ABCA2: variants seen among roughly 807,000 people sequenced by gnomAD.
ABCA2 encodes the protein ATP-binding cassette sub-family A member 2.
ABCA2 carries 84 observed loss-of-function variants against 262.8 expected under a neutral mutation model. The observed-to-expected ratio is 0.32, with a 90% CI of 0.27 to 0.38. The LOEUF is 0.38. Ranked by LOEUF, ABCA2 falls within the 10% of genes least tolerant of loss-of-function variation. ABCA2 has a pLI of 1.00. For missense variants in ABCA2, 2,662 were observed against 3,405.9 expected (o/e 0.78, Z 5.44); for synonymous variants, 1,696 against 1,502.9 (o/e 1.13, Z -2.97).
At chr9:137,008,643 G>A (rs1830917990) in intron 47 of ABCA2, 21 bp from the exon 48 acceptor site, 1 of 1,590,424 alleles carries the variant, frequency 6.3e-7, no homozygotes, top group East Asian at 2.3e-5. Flanking sequence ...GCGCAGGCGT[G>A]TGGGGAGGGG....
In ABCA2 at chr9:137,013,295, C is replaced by A; in HGVS notation, c.4574G>T (p.Ser1525Ile). The A allele has an allele frequency of 6.4e-7, 1 of 1,567,792 alleles. No individual in the cohort carries two copies. Among genetic ancestry groups the A allele is most frequent in the Non-Finnish European group, 8.6e-7 (1 of 1,163,042 alleles). ...GAACGTGCTCACGAGCTGCTGGGGG[C>A]TGGCGTCGGGCGATAGCCGCAGCCT... ...EYRLRLSPDA[S>I]PQQLVSTFRL... The change falls in exon 30 of 49, where the codon AGC becomes ATC. Residue 1525 changes from serine to isoleucine, a missense_variant. By Grantham distance (142) the Ser-to-Ile change is moderately radical. Around this residue, in one of 12 missense-constraint regions of ABCA2, gnomAD observed 192 missense variants for 207.2 expected, o/e 0.93. Transcript: ENST00000341511.
At chr9:137,028,503 CT>C (rs1831742883), upstream of ABCA2, among the ~76,000 whole-genome samples, 1 of 151,682 alleles carries the variant, frequency 6.6e-6, no homozygotes. This position sits in a 1 kb window ranked among gnomAD's most constrained non-coding sequence, Gnocchi z 6.9. Context: ...GAGACCCCGG[CT>C]TAGCCTTCGT....
In ABCA2 at chr9:137,028,025, C is replaced by A; in HGVS notation, c.66+50G>T. 1.1e-6 allele frequency: 1 copy of A among 949,724 alleles called. No homozygotes were observed. The highest frequency in any genetic ancestry group is 1.3e-6 in the Non-Finnish European group (1 of 799,360). The allele number at this position is 949,724 out of a possible 1,614,324, so 58.8% of individuals were successfully genotyped here. The stretch of plus-strand genomic sequence containing the variant: ...TGCGCGCGGGGAGCGCGCCTCTGGC[C>A]GCGGTGCGCGCGGCCTCGGGCTGAG... On this transcript the variant is annotated intron_variant, in intron 1 of 48. Coordinates refer to ENST00000341511, the MANE Select transcript of ABCA2 (RefSeq NM_001606.5). This position sits in a 1 kb window ranked among gnomAD's most constrained non-coding sequence, Gnocchi z 6.9.
At position 137,021,075 on chromosome 9, in the gene ABCA2, G is replaced by A; in HGVS notation, c.898-14C>T. 1 of 1,469,210 alleles carries A rather than the reference G, an allele frequency of 6.8e-7. No homozygotes were observed. The highest frequency in any genetic ancestry group is 9.0e-7 in the Non-Finnish European group (1 of 1,109,468). The allele number at this position is 1,469,210 out of a possible 1,614,324, so 91.0% of individuals were successfully genotyped here. ...ATCCAGGCCCAGCTGAGGGGAAACA[G>A]GCACGTGGGCAGTGCGGGGTGAGAT... On this transcript the variant is annotated splice_polypyrimidine_tract_variant and intron_variant, in intron 8 of 48. Transcript: ENST00000341511. The surrounding 1 kb of genome is among the most constrained non-coding windows in gnomAD (Gnocchi z 6.0).
Position 137,020,693 on chromosome 9 carries a change from C to T in ABCA2, c.1265+1G>A. ...CCCCCATTCCCCTGCCGCCCACCTACCGGTTGTTGCCACACAAGATGGGCT... is the reference window on the plus strand; with the variant it reads ...CCCCCATTCCCCTGCCGCCCACCTATCGGTTGTTGCCACACAAGATGGGCT... On this transcript the variant is annotated splice_donor_variant, in intron 9 of 48. Coordinates refer to ENST00000341511, the MANE Select transcript of ABCA2 (RefSeq NM_001606.5). LOFTEE classifies it high-confidence loss of function. The T allele has an allele frequency of 6.3e-7, 1 of 1,599,498 alleles. No individual in the cohort carries two copies. Among genetic ancestry groups the T allele is most frequent in the Non-Finnish European group, 8.5e-7 (1 of 1,179,488 alleles).
chr9:137,017,861 C>T lies in ABCA2; in HGVS notation c.2137G>A (p.Val713Met). 1 of 1,612,626 alleles carries T rather than the reference C, an allele frequency of 6.2e-7. No individual in the cohort carries two copies. Among genetic ancestry groups the T allele is most frequent in the East Asian group, 2.2e-5 (1 of 44,876 alleles). Reference protein sequence around the residue: ...VIEHMMPLCMVISWVYSVAMT... With the variant: ...VIEHMMPLCMMISWVYSVAMT... ...GCCACGGAGTAGACCCAGGAGATCA[C>T]CATGCACAGCGGCATCATGTGCTCA... is the stretch of plus-strand genomic sequence containing the variant. Residue 713 changes from valine (V) to methionine (M), a missense_variant, in exon 16 of 49, where the codon GTG becomes ATG. This residue lies in a region of ABCA2 where 188 missense variants were observed against 343.4 expected (regional missense o/e 0.55). Transcript: ENST00000341511.
chr9:137,022,735 C>G lies in ABCA2; in HGVS notation c.406G>C (p.Gly136Arg). The stretch of plus-strand genomic sequence containing the variant: ...CTGTCCAGGTGGCTCCCCGAGGTGC[C>G]CGGGCCCGCACTGAGGGCCTCCAGA... ...QHLEALSAGP[G>R]TSGSHLDRST... The change falls in exon 5 of 49, where the codon GGC (glycine) becomes CGC (arginine). Residue 136 changes from glycine to arginine, a missense_variant. By Grantham distance (125) the Gly-to-Arg change is moderately radical. This residue lies in a region of ABCA2 where 403 missense variants were observed against 375.9 expected (regional missense o/e 1.07). Transcript: ENST00000341511. 1 of 1,606,176 alleles carries G rather than the reference C, an allele frequency of 6.2e-7. No individual in the cohort carries two copies. The highest frequency in any genetic ancestry group is 8.5e-7 in the Non-Finnish European group (1 of 1,178,270).
chr9:137,014,675 G>A lies in ABCA2; in HGVS notation c.4003+15C>T, dbSNP rs370945417. The A allele has an allele frequency of 1.4e-5, 23 of 1,602,714 alleles. No individual in the cohort carries two copies. The highest frequency in any genetic ancestry group is 2.2e-5 in the East Asian group (1 of 44,514). On this transcript the variant is annotated intron_variant, in intron 26 of 48. Coordinates refer to ENST00000341511, the MANE Select transcript of ABCA2 (RefSeq NM_001606.5). ...GTGGGTGGGGTGGGCTGAGCAAGTG[G>A]TCCAGGCCCCTCACCGGCCTCACTG...
chr9:137,014,636 C>T (rs1051062910), intron 26 of ABCA2, 54 bp downstream of exon 26: 108 of 1,572,638 alleles, frequency 6.9e-5, no homozygotes, highest in East Asian at 1.8e-4. Flanking sequence ...AGCGCAGGCC[C>T]GAGCTGGGGC....
At chr9:137,024,304 AT>A in intron 1 of ABCA2, 68 bp from the exon 2 acceptor site, 1 of 1,399,178 alleles carries the variant, frequency 7.1e-7, no homozygotes, top group Non-Finnish European at 9.7e-7. Flanking sequence ...CCAGCCTCCC[AT>A]AGGGCTGGCC....
Position 137,015,425 on chromosome 9 carries a change from C to T in ABCA2, c.3686G>A (p.Gly1229Glu). The change falls in exon 24 of 49, where the codon GGG becomes GAG. Residue 1229 changes from glycine (G) to glutamate (E), a missense_variant. Physicochemically the swap from Gly to Glu is moderately conservative, Grantham distance 98. Coordinates refer to ENST00000341511, the MANE Select transcript of ABCA2 (RefSeq NM_001606.5). ...GCTTCAACACAGACCTTGGGGGCCC[C>T]CCGGCTCGGCGGGCCGCTTGACCAG... The part of the protein sequence containing the change: ...LTLVKRPAEP[G>E]GPQEPGLASS... The T allele has an allele frequency of 6.4e-7, 1 of 1,566,622 alleles. No homozygotes were observed. Among genetic ancestry groups the T allele is most frequent in the Non-Finnish European group, 8.6e-7 (1 of 1,157,370 alleles).
Position 137,007,868 on chromosome 9 carries a change from G to T in ABCA2, c.*61C>A. The T allele has an allele frequency of 6.3e-7, 1 of 1,596,720 alleles. No homozygotes were observed. On this transcript the variant is annotated 3_prime_UTR_variant, in exon 49 of 49. Transcript: ENST00000341511. ...GGGGGACTTCTGTCCCCATTGTTGA[G>T]TCCCTGGCCCAGCTCTGGGTGGTCA...
In ABCA2 at chr9:137,013,505, A is replaced by T. The variant is rs754286752; in HGVS notation, c.4506T>A (p.Arg1502=). The T allele has an allele frequency of 6.2e-7, 1 of 1,610,206 alleles. No homozygotes were observed. The highest frequency in any genetic ancestry group is 8.5e-7 in the Non-Finnish European group (1 of 1,179,386). Residue 1502 remains arginine (R), a synonymous_variant, in exon 29 of 49, where the codon CGT becomes CGA. Coordinates refer to ENST00000341511, the MANE Select transcript of ABCA2 (RefSeq NM_001606.5). ...CGTTGGCGTAGGGGATGAAATTGCC[A>T]CGGGGCTGGGTGTAGTTGTGGTACT... ...PSQYHNYTQP[R]GNFIPYANEE... is the part of the protein sequence containing the mutation.
Position 137,010,833 on chromosome 9 carries a change from G to C in ABCA2, c.6057-96C>G. The C allele has an allele frequency of 2.8e-6, 4 of 1,453,360 alleles. No homozygotes were observed. In the South Asian group the frequency reaches 5.0e-5, roughly 18 times the overall value. The allele number at this position is 1,453,360 out of a possible 1,614,324, so 90.0% of individuals were successfully genotyped here. A position where few individuals can be genotyped will look rare whatever the true frequency, so the allele number is the denominator to read the frequency against. On this transcript the variant is annotated intron_variant, in intron 39 of 48. Coordinates refer to ENST00000341511, the MANE Select transcript of ABCA2 (RefSeq NM_001606.5). ...ATCCTCTGGCTGTGGCATGTAAGAA[G>C]GGTGGGCAGGCCCCTCTGCTGTCCC...
Position 137,010,982 on chromosome 9 carries a change from C to A in ABCA2, c.6047G>T (p.Arg2016Leu). 6.3e-7 allele frequency: 1 copy of A among 1,581,046 alleles called. No individual in the cohort carries two copies. Among genetic ancestry groups the A allele is most frequent in the East Asian group, 2.3e-5 (1 of 43,256 alleles). Residue 2016 changes from arginine to leucine, a missense_variant, in exon 39 of 49, where the codon CGG becomes CTG. Transcript: ENST00000341511. ...CCCGCCCCCCACTCACTGTGGCCGC[C>A]GCAGGAAGTTGTACTGGCACATGAT... Reference protein sequence around the residue: ...LTIMCQYNFLRRPQRMPVSTK... With the variant: ...LTIMCQYNFLLRPQRMPVSTK...
At chr9:137,022,112 G>A (rs1284976933) in intron 6 of ABCA2, 111 bp from the exon 7 acceptor site, 3 of 628,068 alleles carry the variant, frequency 4.8e-6, no homozygotes, top group East Asian at 3.3e-5. Context: ...TGGGGGCGTG[G>A]CTCAGAGAGT....
chr9:137,010,582 A>ACGC, intron 40 of ABCA2, 38 bp downstream of exon 40: 1 of 1,058,696 alleles, frequency 9.4e-7, no homozygotes, highest in Non-Finnish European at 1.4e-6. Flanking sequence ...GCCCTGGCCT[A>ACGC]CCCCACCCAG....
chr9:137,008,918 G>T (rs769729071), intron 46 of ABCA2, 33 bp downstream of exon 46: 2 of 1,081,236 alleles, frequency 1.8e-6, no homozygotes, highest in African/African-American at 4.1e-5. Context: ...ACCCCGTAGC[G>T]CCCCCTCCAC....
At chr9:137,012,076 C>T (rs1831068785) in intron 34 of ABCA2, 26 bp downstream of exon 34, 2 of 1,612,482 alleles carry the variant, frequency 1.2e-6, no homozygotes, top group Admixed American at 1.7e-5. Context: ...ACCTGCCCCA[C>T]CTCATCCCCC....
Sources: allele counts gnomAD v4.1 joint callset (sites outside exome capture counted in the v4.1 genomes callset), GRCh38; gene constraint gnomAD v4.1.1; regional missense constraint gnomAD v4.1.1; non-coding constraint Gnocchi (gnomAD v3.1); transcripts MANE v1.5; gene names NCBI Gene and HGNC (gene_info 2026-07-23, HGNC 2026-07-21).